Variants in CDH13 observed in about 807,000 individuals in gnomAD.
CDH13 encodes cadherin-13.
Under a neutral mutation model 63.8 loss-of-function variants are expected in CDH13, and 24 were observed. That is an observed-to-expected ratio of 0.38 (90% CI 0.27 to 0.53). CDH13 has a LOEUF of 0.53. Among genes scored for constraint, CDH13 ranks in the 20% least tolerant of loss-of-function variants. The pLI is 0.85. For synonymous variants in CDH13, 503 were observed against 355.3 expected, an observed-to-expected ratio of 1.42 and a Z score of -4.67; for missense variants, 1,049 against 903.1, an observed-to-expected ratio of 1.16 and a Z score of -2.07.
rs374202626 is a variant in CDH13, at chr16:83,087,827, C to T, written c.367-37558C>T. ...TTTATTATTGAATATAAAATGGGTG[C>T]TAATTACAAATGGGTCTTATGTATG... On this transcript the variant is annotated intron_variant, in intron 3 of 13. Transcript: ENST00000567109. 1.3e-4 allele frequency among the ~76,000 whole-genome samples: 20 copies of T among 151,970 alleles called. 1 individual carries two copies. Among genetic ancestry groups the T allele is most frequent in the South Asian group, 6.2e-4 (3 of 4,812 alleles).
chr16:83,403,523 T>C (rs2091999517), intron 6 of CDH13, among the ~76,000 whole-genome samples: 1 of 151,998 alleles, frequency 6.6e-6, no homozygotes, highest in African/African-American at 2.4e-5. Context: ...CTCAGGAGGC[T>C]GAGACAGGAG....
chr16:83,793,431 G>C (rs1483509547), intron 13 of CDH13, among the ~76,000 whole-genome samples: 3 of 152,172 alleles, frequency 2.0e-5, no homozygotes, highest in Admixed American at 6.5e-5. Flanking sequence ...ATAAGGAGGA[G>C]CCACGAGCAG....
chr16:82,717,954 G>A (rs181575234), intron 1 of CDH13, among the ~76,000 whole-genome samples: 65 of 152,274 alleles, frequency 4.3e-4, no homozygotes, highest in African/African-American at 1.5e-3. Context: ...ATACTACTGC[G>A]AATGTCACCC....
intron 5 of CDH13, among the ~76,000 whole-genome samples, chr16:83,245,822 A>C (rs993902035): frequency 2.6e-5 from 4 of 152,008 alleles, no homozygotes; most frequent in Admixed American, 6.5e-5. Flanking sequence ...GGCTCACTGC[A>C]GCCAAGACCT....
intron 3 of CDH13, among the ~76,000 whole-genome samples, chr16:83,123,143 C>T (rs572455349): frequency 2.1e-4 from 32 of 150,790 alleles, no homozygotes; most frequent in African/African-American, 4.9e-4. Context: ...ATGGCATGTG[C>T]GTGTGTGTGT....
At chr16:82,883,404 A>T (rs777135766) in intron 2 of CDH13, among the ~76,000 whole-genome samples, 22 of 152,122 alleles carry the variant, frequency 1.4e-4, no homozygotes, top group East Asian at 1.9e-4. Flanking sequence ...CACCTGGGGG[A>T]ACGTGTGCAA....
chr16:83,427,887 G>A (rs111431003), intron 6 of CDH13, among the ~76,000 whole-genome samples: 2 of 152,200 alleles, frequency 1.3e-5, no homozygotes, highest in Non-Finnish European at 2.9e-5. Flanking sequence ...CCGTGAAGAT[G>A]TTCCTTGGAC....
intron 5 of CDH13, among the ~76,000 whole-genome samples, chr16:83,254,880 C>G (rs556920858): frequency 3.3e-5 from 5 of 152,260 alleles, no homozygotes; most frequent in South Asian, 2.1e-4. Flanking sequence ...AGGGGAAATG[C>G]TAGATGAGAT....
chr16:82,808,554 A>G (rs750961188), intron 1 of CDH13, among the ~76,000 whole-genome samples: 3 of 152,220 alleles, frequency 2.0e-5, no homozygotes, highest in Non-Finnish European at 2.9e-5. Flanking sequence ...TAGGTACACA[A>G]GGACATCACC....
chr16:82,691,889 C>G (rs143138488), intron 1 of CDH13, among the ~76,000 whole-genome samples: 8 of 152,006 alleles, frequency 5.3e-5, no homozygotes, highest in African/African-American at 1.7e-4. Flanking sequence ...CAGGCTTTAC[C>G]GAGACCTCAT....
chr16:83,330,417 G>T (rs904702441), intron 5 of CDH13, among the ~76,000 whole-genome samples: 2 of 152,168 alleles, frequency 1.3e-5, no homozygotes, highest in African/African-American at 4.8e-5. Flanking sequence ...AAACAGAAAG[G>T]TTGCCCTTGA....
intron 6 of CDH13, among the ~76,000 whole-genome samples, chr16:83,447,713 A>T (rs1358165358): frequency 2.0e-5 from 3 of 150,910 alleles, no homozygotes; most frequent in Non-Finnish European, 1.5e-5. Context: ...GAAGTTAGAG[A>T]TAATCATTTT....
At chr16:83,194,242 G>A (rs958981122) in intron 4 of CDH13, among the ~76,000 whole-genome samples, 5 of 152,140 alleles carry the variant, frequency 3.3e-5, no homozygotes, top group East Asian at 1.9e-4. Flanking sequence ...GACAATCCAC[G>A]GGGGCCCCCT....
At chr16:83,054,046 T>A (rs910115974) in intron 3 of CDH13, among the ~76,000 whole-genome samples, 1 of 152,226 alleles carries the variant, frequency 6.6e-6, no homozygotes, top group Non-Finnish European at 1.5e-5. Context: ...TACAACTGCA[T>A]ACAGTATTCA....
intron 5 of CDH13, among the ~76,000 whole-genome samples, chr16:83,286,590 T>C (rs1018992969): frequency 6.6e-6 from 1 of 151,936 alleles, no homozygotes; most frequent in African/African-American, 2.4e-5. Flanking sequence ...ACCCTGTCTC[T>C]ACTAAAATAT....
intron 5 of CDH13, among the ~76,000 whole-genome samples, chr16:83,289,100 C>G (rs1429525351): frequency 6.6e-6 from 1 of 152,180 alleles, no homozygotes; most frequent in Non-Finnish European, 1.5e-5. Flanking sequence ...GAATCATGGG[C>G]TATTGCTTGC....
At chr16:83,141,162 C>A (rs1308189499) in intron 4 of CDH13, among the ~76,000 whole-genome samples, 1 of 152,174 alleles carries the variant, frequency 6.6e-6, no homozygotes, top group Admixed American at 6.5e-5. Context: ...AATATTAAAG[C>A]CGGAGGGGCT....
chr16:83,085,651 T>C (rs997437289), intron 3 of CDH13, among the ~76,000 whole-genome samples: 10 of 152,208 alleles, frequency 6.6e-5, no homozygotes, highest in Admixed American at 2.6e-4. Flanking sequence ...GCTGTTTTAT[T>C]TGTGCCTTAA....
chr16:83,240,221 G>C (rs1162820585), intron 5 of CDH13, among the ~76,000 whole-genome samples: 1 of 152,096 alleles, frequency 6.6e-6, no homozygotes, highest in African/African-American at 2.4e-5. Flanking sequence ...CTGGAAGTAG[G>C]TGCAAAGATC....
Sources: allele counts gnomAD v4.1 joint callset (sites outside exome capture counted in the v4.1 genomes callset), GRCh38; gene constraint gnomAD v4.1.1; transcripts MANE v1.5; gene names NCBI Gene and HGNC (gene_info 2026-07-23, HGNC 2026-07-21).